Variants in ITPRID1 observed in about 807,000 individuals in gnomAD.
ITPRID1 encodes ITPR interacting domain containing 1.
ITPRID1 carries 96 observed loss-of-function variants against 95.4 expected under a neutral mutation model. The observed-to-expected ratio is 1.01, with a 90% CI of 0.85 to 1.19. The LOEUF (loss-of-function observed/expected upper bound fraction) is 1.19. Ranked by LOEUF, ITPRID1 falls within the 50% of genes most tolerant of loss-of-function variation. ITPRID1 has a pLI of 0.00. For missense variants in ITPRID1, 1,339 were observed against 1,252.9 expected (o/e 1.07, Z -1.04); for synonymous variants, 510 against 453.6 (o/e 1.12, Z -1.58).
rs186813174 is a variant in ITPRID1 at position 31,536,265 on chromosome 7, C to T, written c.-97-13161C>T. 2.6e-5 allele frequency among the ~76,000 whole-genome samples: 4 copies of T among 152,260 alleles called. No individual in the cohort carries two copies. The East Asian group carries it at 7.7e-4, about 29-fold the overall frequency. ...GTCCAGTCTGCTGCTATACTCATCA[C>T]AATAATTCTTCATTTCTAGTACCAC... On this transcript the variant is annotated intron_variant, in intron 1 of 14. Coordinates refer to ENST00000615280, the MANE Select transcript of ITPRID1 (RefSeq NM_001257967.3).
chr7:31,622,493 A>T (rs38351), intron 10 of ITPRID1, among the ~76,000 whole-genome samples: 1 of 148,630 alleles, frequency 6.7e-6, no homozygotes, highest in Non-Finnish European at 1.5e-5. Flanking sequence ...TGAACAACCT[A>T]CTCCTGAATG....
intron 10 of ITPRID1, among the ~76,000 whole-genome samples, chr7:31,628,550 C>T (rs1373091655): frequency 6.6e-6 from 1 of 151,702 alleles, no homozygotes; most frequent in African/African-American, 2.4e-5. Flanking sequence ...CTCTGCTTCC[C>T]GGGTTCACGC....
chr7:31,574,198 C>G (rs1456245006), intron 7 of ITPRID1, among the ~76,000 whole-genome samples: 4 of 150,154 alleles, frequency 2.7e-5, no homozygotes, highest in Non-Finnish European at 5.9e-5. Context: ...CATTTCTTGC[C>G]TTTAGTGACC....
intron 1 of ITPRID1, among the ~76,000 whole-genome samples, chr7:31,528,028 T>TA (rs1783478157): frequency 6.6e-6 from 1 of 152,102 alleles, no homozygotes; most frequent in Non-Finnish European, 1.5e-5. Flanking sequence ...ATTTCTTTTT[T>TA]AAAAAAATCC....
intron 10 of ITPRID1, among the ~76,000 whole-genome samples, chr7:31,611,534 C>CTGTT (rs1200315261): frequency 6.6e-6 from 1 of 151,710 alleles, no homozygotes; most frequent in East Asian, 1.9e-4. Flanking sequence ...GTGATGAATT[C>CTGTT]TGTTTTTGTT....
chr7:31,579,880 G>T (rs866832638), intron 9 of ITPRID1, among the ~76,000 whole-genome samples: 3 of 152,026 alleles, frequency 2.0e-5, no homozygotes, highest in African/African-American at 7.2e-5. Context: ...GAAGAAAAAA[G>T]CATACCTTTG....
chr7:31,585,376 ATATAG>A (rs1174621986), intron 10 of ITPRID1, among the ~76,000 whole-genome samples: 1 of 152,220 alleles, frequency 6.6e-6, no homozygotes, highest in African/African-American at 2.4e-5. Context: ...AATTGACTTC[ATATAG>A]AAAATTGGGA....
chr7:31,603,190 C>T (rs1049903800), intron 10 of ITPRID1, among the ~76,000 whole-genome samples: 1 of 152,102 alleles, frequency 6.6e-6, no homozygotes, highest in Admixed American at 6.5e-5. Context: ...GAGATGTAAC[C>T]ACCTCCATCT....
intron 10 of ITPRID1, among the ~76,000 whole-genome samples, chr7:31,587,290 G>A (rs1416760782): frequency 1.3e-5 from 2 of 152,132 alleles, no homozygotes; most frequent in Non-Finnish European, 2.9e-5. Context: ...CTTCAGCAAA[G>A]TCTCAGGATA....
chr7:31,639,081 A>G (rs973204801), intron 10 of ITPRID1, among the ~76,000 whole-genome samples: 2 of 151,994 alleles, frequency 1.3e-5, no homozygotes, highest in Non-Finnish European at 2.9e-5. Flanking sequence ...CCAGCCAGTA[A>G]TTTGATTTTC....
At chr7:31,526,789 C>G (rs1277464080) in intron 1 of ITPRID1, among the ~76,000 whole-genome samples, 3 of 152,038 alleles carry the variant, frequency 2.0e-5, no homozygotes, top group Non-Finnish European at 4.4e-5. Context: ...CATTTCTACT[C>G]TTGGGGCCAT....
downstream of ITPRID1, among the ~76,000 whole-genome samples, chr7:31,657,147 T>A (rs1791344933): frequency 6.5e-3 from 1 of 154 alleles, no homozygotes; most frequent in East Asian, 0.5. Flanking sequence ...TAATCATATA[T>A]AAAATATGAT....
chr7:31,639,406 G>A (rs75771393), intron 10 of ITPRID1, among the ~76,000 whole-genome samples: 1 of 6,020 alleles, frequency 1.7e-4, no homozygotes, highest in Non-Finnish European at 2.9e-4. Context: ...TACTGGAGAC[G>A]TTGTTTTCAT....
At chr7:31,570,621 T>C (rs1334115515) in intron 6 of ITPRID1, among the ~76,000 whole-genome samples, 1 of 152,188 alleles carries the variant, frequency 6.6e-6, no homozygotes, top group Non-Finnish European at 1.5e-5. Flanking sequence ...TTGCTACTTA[T>C]AGAATCATAG....
intron 10 of ITPRID1, among the ~76,000 whole-genome samples, chr7:31,601,039 C>T (rs761801063): frequency 2.6e-5 from 4 of 152,102 alleles, no homozygotes; most frequent in Admixed American, 6.5e-5. Context: ...ATTCTGGTTG[C>T]CTCCTGAGTC....
At chr7:31,644,495 G>C (rs142560938) in intron 12 of ITPRID1, among the ~76,000 whole-genome samples, 2,209 of 152,250 alleles carry the variant, frequency 0.015, 68 homozygotes, top group African/African-American at 0.05. Flanking sequence ...TCTTATATGT[G>C]TTACTCTTAT....
chr7:31,598,704 A>G (rs1786214544), intron 10 of ITPRID1, among the ~76,000 whole-genome samples: 1 of 152,174 alleles, frequency 6.6e-6, no homozygotes, highest in Non-Finnish European at 1.5e-5. Flanking sequence ...CGCTCGGTCT[A>G]AAATAGCAAA....
intron 1 of ITPRID1, among the ~76,000 whole-genome samples, chr7:31,515,303 A>C (rs1361961158): frequency 6.6e-6 from 1 of 152,082 alleles, no homozygotes; most frequent in African/African-American, 2.4e-5. Context: ...AAAAAGAAAA[A>C]ACAGAGAGAA....
intron 1 of ITPRID1, chr7:31,517,827 C>T (rs1349768942): frequency 1.3e-5 from 2 of 152,360 alleles, no homozygotes; most frequent in African/African-American, 4.8e-5. Flanking sequence ...AAGGAGGTGC[C>T]GAGAGACAGC....
Sources: gnomAD v4.1 joint callset for allele counts (sites outside exome capture counted in the v4.1 genomes callset) on GRCh38, gnomAD v4.1.1 for gene constraint, MANE v1.5 for transcripts, NCBI Gene and HGNC (gene_info 2026-07-23, HGNC 2026-07-21) for gene names.